DGKG: variants seen among roughly 807,000 people sequenced by gnomAD.
The protein encoded by DGKG is diacylglycerol kinase gamma, also known as DAG kinase gamma.
DGKG carries 78 observed loss-of-function variants against 105.3 expected under a neutral mutation model. That is an observed-to-expected ratio of 0.74 (90% CI 0.62 to 0.89). DGKG has a LOEUF of 0.89. Among genes scored for constraint, DGKG ranks in the 40% least tolerant of loss-of-function variants. DGKG has a pLI of 0.00. For missense variants in DGKG, 958 were observed against 1,020.1 expected (o/e 0.94, Z 0.83); for synonymous variants, 346 against 367.1 (o/e 0.94, Z 0.66).
chr3:186,304,057 C>T (rs184341233), intron 3 of DGKG, among the ~76,000 whole-genome samples: 11 of 152,350 alleles, frequency 7.2e-5, no homozygotes, highest in African/African-American at 2.2e-4. Flanking sequence ...AAAGTGGGGG[C>T]CAGCCCCGAC....
At chr3:186,299,964 A>T (rs1457297189) in intron 3 of DGKG, among the ~76,000 whole-genome samples, 1 of 151,322 alleles carries the variant, frequency 6.6e-6, no homozygotes, top group Non-Finnish European at 1.5e-5. Flanking sequence ...CCTCCTCCCA[A>T]GTAGCTGGGA....
intron 1 of DGKG, among the ~76,000 whole-genome samples, chr3:186,360,236 CTGATG>C (rs1025940954): frequency 2.2e-4 from 33 of 152,038 alleles, no homozygotes; most frequent in African/African-American, 7.7e-4. Flanking sequence ...TCAAGACACG[CTGATG>C]TTTGTCGTTT....
chr3:186,261,268 T>C (rs1419462030), intron 15 of DGKG, among the ~76,000 whole-genome samples: 1 of 152,216 alleles, frequency 6.6e-6, no homozygotes, highest in Non-Finnish European at 1.5e-5. Flanking sequence ...TCCGCTGAAC[T>C]GGGCATTTCA....
chr3:186,170,374 T>A (rs1716762383), intron 22 of DGKG, among the ~76,000 whole-genome samples: 1 of 152,154 alleles, frequency 6.6e-6, no homozygotes. Flanking sequence ...ACCTGGGAAC[T>A]TGTTAGAAAT....
At chr3:186,208,526 G>A (rs1718863581) in intron 21 of DGKG, among the ~76,000 whole-genome samples, 1 of 152,032 alleles carries the variant, frequency 6.6e-6, no homozygotes, top group Non-Finnish European at 1.5e-5. Context: ...CACTGAACCT[G>A]TCAACCTAAG....
chr3:186,218,619 G>A (rs1042493036), intron 20 of DGKG, among the ~76,000 whole-genome samples: 1 of 151,750 alleles, frequency 6.6e-6, no homozygotes, highest in African/African-American at 2.4e-5. Flanking sequence ...GAGGACTCAC[G>A]TGTTCTACAA....
At chr3:186,188,113 G>A in intron 22 of DGKG, 89 bp downstream of exon 22, 1 of 1,452,276 alleles carries the variant, frequency 6.9e-7, no homozygotes, top group Non-Finnish European at 9.5e-7. Flanking sequence ...TTGCTGGGCT[G>A]TGGGGCCTTA....
intron 3 of DGKG, 50 bp downstream of exon 3, chr3:186,306,851 G>T: frequency 2.3e-6 from 3 of 1,290,246 alleles, no homozygotes; most frequent in East Asian, 2.3e-5. Flanking sequence ...ATTATGGAAA[G>T]GCTAAAAAAC....
At chr3:186,187,780 C>T (rs909424232) in intron 22 of DGKG, among the ~76,000 whole-genome samples, 9 of 152,030 alleles carry the variant, frequency 5.9e-5, no homozygotes, top group South Asian at 2.1e-4. Context: ...GACAAGTGAG[C>T]GGGGAGGAAA....
At chr3:186,259,145 C>A (rs1721626432) in intron 16 of DGKG, among the ~76,000 whole-genome samples, 1 of 152,222 alleles carries the variant, frequency 6.6e-6, no homozygotes, top group Admixed American at 6.5e-5. Flanking sequence ...CAGACGCTCC[C>A]TCCAGCTAGG....
At chr3:186,310,079 T>C (rs1469622069) in intron 2 of DGKG, among the ~76,000 whole-genome samples, 1 of 149,550 alleles carries the variant, frequency 6.7e-6, no homozygotes, top group East Asian at 2.0e-4. Context: ...CCAGCCTGGC[T>C]AACATGGTGA....
At chr3:186,299,303 T>C (rs917052906) in intron 3 of DGKG, among the ~76,000 whole-genome samples, 4 of 152,192 alleles carry the variant, frequency 2.6e-5, no homozygotes, top group African/African-American at 9.7e-5. Flanking sequence ...ATTTAACCCC[T>C]TGTCTGTTCT....
chr3:186,335,238 AT>A (rs35882256), intron 1 of DGKG, among the ~76,000 whole-genome samples: 3 of 151,098 alleles, frequency 2.0e-5, no homozygotes, highest in Non-Finnish European at 3.0e-5. Flanking sequence ...CACCTGGCTA[AT>A]TTTTTTTTAA....
chr3:186,353,841 T>G (rs1265275320), intron 1 of DGKG, among the ~76,000 whole-genome samples: 1 of 152,116 alleles, frequency 6.6e-6, no homozygotes, highest in Non-Finnish European at 1.5e-5. Flanking sequence ...TGGAGCATCC[T>G]CAGGAGAGCA....
intron 19 of DGKG, among the ~76,000 whole-genome samples, chr3:186,249,007 C>T (rs780070948): frequency 2.0e-5 from 3 of 152,166 alleles, no homozygotes; most frequent in Admixed American, 6.5e-5. Flanking sequence ...GGGAAGCCCA[C>T]GCTCCAGAAC....
intron 19 of DGKG, among the ~76,000 whole-genome samples, chr3:186,243,891 C>CTG (rs1720803310): frequency 1.1e-5 from 1 of 87,324 alleles, no homozygotes; most frequent in Admixed American, 1.7e-4. Context: ...ATGAAAATTT[C>CTG]TGTGTTTTTT....
At chr3:186,182,834 C>T (rs977809807) in intron 22 of DGKG, among the ~76,000 whole-genome samples, 1 of 152,092 alleles carries the variant, frequency 6.6e-6, no homozygotes, top group Non-Finnish European at 1.5e-5. Context: ...CTGTAGAACA[C>T]ATGTGAGCCA....
intron 2 of DGKG, among the ~76,000 whole-genome samples, chr3:186,307,794 A>G (rs944894306): frequency 2.0e-5 from 3 of 152,148 alleles, no homozygotes; most frequent in Non-Finnish European, 4.4e-5. Flanking sequence ...ATTAAACCCC[A>G]TAAGGCTCTG....
chr3:186,222,015 C>G (rs903512296), intron 20 of DGKG, among the ~76,000 whole-genome samples: 1 of 152,210 alleles, frequency 6.6e-6, no homozygotes, highest in Non-Finnish European at 1.5e-5. Context: ...TTTTGATCCT[C>G]ACGTCTACCC....
Sources: allele counts gnomAD v4.1 joint callset (sites outside exome capture counted in the v4.1 genomes callset), GRCh38; gene constraint gnomAD v4.1.1; transcripts MANE v1.5; gene names NCBI Gene and HGNC (gene_info 2026-07-23, HGNC 2026-07-21).